Variants in ST13 observed in about 807,000 individuals in gnomAD.
ST13 encodes ST13 Hsp70 interacting protein.
In ST13, 23 loss-of-function variants were observed where a neutral mutation model predicts 56.7. The ratio of observed to expected loss-of-function variants is 0.41; its 90% CI spans 0.29 to 0.57. The LOEUF (loss-of-function observed/expected upper bound fraction) is 0.57, where lower values mean the gene tolerates loss of function less well. ST13 is among the 20% of genes least tolerant of loss of function. ST13 has a pLI of 0.36. For synonymous variants in ST13, 132 were observed against 142.4 expected (o/e 0.93, Z 0.52); for missense variants, 369 against 459.9 (o/e 0.80, Z 1.81).
Position 40,856,638 on chromosome 22 carries a change from A to C in ST13, c.-98T>G. On this transcript the variant is annotated 5_prime_UTR_variant, in exon 1 of 12. Transcript: ENST00000216218. The stretch of plus-strand genomic sequence containing the variant: ...CGCGCAGAAGGGGGCGGCTGCCGCA[A>C]GACAGAACAGACTAGAACCTCCCCG... The C allele has an allele frequency of 2.2e-6, 2 of 911,948 alleles. No homozygotes were observed. The highest frequency in any genetic ancestry group is 2.7e-5 in the South Asian group (2 of 73,144). 56.5% of individuals were successfully genotyped at this position (911,948 alleles called of 1,614,324 possible).
chr22:40,845,118 C>T (rs1412111845), intron 3 of ST13, among the ~76,000 whole-genome samples: 1 of 152,090 alleles, frequency 6.6e-6, no homozygotes. Context: ...TATTTATTAT[C>T]AGGTTGTAGT....
intron 1 of ST13, among the ~76,000 whole-genome samples, chr22:40,851,958 C>T (rs1057382891): frequency 1.2e-4 from 18 of 152,154 alleles, no homozygotes; most frequent in Admixed American, 5.9e-4. Flanking sequence ...TTAGCCAGAA[C>T]GGTCTCGATC....
chr22:40,836,215 C>A (rs370203457), intron 5 of ST13, among the ~76,000 whole-genome samples: 5 of 152,296 alleles, frequency 3.3e-5, no homozygotes, highest in African/African-American at 1.2e-4. Flanking sequence ...CTTTGGGAGG[C>A]CAAGGCAGGC....
Position 40,826,379 on chromosome 22 carries a change from T to C in ST13, c.*159A>G. The C allele has an allele frequency of 3.6e-6, 2 of 554,714 alleles. No homozygotes were observed. Among genetic ancestry groups the C allele is most frequent in the Admixed American group, 2.8e-5 (1 of 35,274 alleles). 34.4% of individuals were successfully genotyped at this position (554,714 alleles called of 1,614,324 possible). ...CTAATGGCAAACCACTGTAAAATGC[T>C]TCAGCTGCATTTGGGGGAGAGGGGT... On this transcript the variant is annotated 3_prime_UTR_variant, in exon 12 of 12. Coordinates refer to ENST00000216218, the MANE Select transcript of ST13 (RefSeq NM_003932.5).
At chr22:40,855,180 GTGAAGTGGCTCACGCC>G (rs1339330717) in intron 1 of ST13, among the ~76,000 whole-genome samples, 3 of 152,232 alleles carry the variant, frequency 2.0e-5, no homozygotes, top group African/African-American at 7.2e-5. Context: ...ATCACGCTGG[GTGAAGTGGCTCACGCC>G]TGTAATACCA....
intron 1 of ST13, among the ~76,000 whole-genome samples, chr22:40,855,148 G>A (rs1458023292): frequency 6.6e-6 from 1 of 152,168 alleles, no homozygotes. Context: ...GTAATCATGA[G>A]CTCATCTTCC....
At chr22:40,845,906 T>C (rs990276529) in intron 3 of ST13, among the ~76,000 whole-genome samples, 2 of 152,166 alleles carry the variant, frequency 1.3e-5, no homozygotes, top group African/African-American at 2.4e-5. Flanking sequence ...TACATATATG[T>C]ATATGGTGTA....
intron 3 of ST13, among the ~76,000 whole-genome samples, chr22:40,846,377 ATT>A (rs2057831338): frequency 6.6e-6 from 1 of 152,176 alleles, no homozygotes; most frequent in East Asian, 1.9e-4. Flanking sequence ...CTCTTAACAA[ATT>A]TCAAGTATAC....
rs562544396 is a variant in ST13 at position 40,836,809 on chromosome 22, G to C, written c.383-922C>G. Among the ~76,000 whole-genome samples the C allele has an allele frequency of 6.6e-5, 10 of 152,276 alleles. 1 individual carries two copies. In the East Asian group the frequency reaches 1.9e-3, roughly 29 times the overall value. ...GAATCAGAAGAGTTCTTTGCACAAA[G>C]TCTAAATCTTGGGGAGGCAAGACAA... On this transcript the variant is annotated intron_variant, in intron 5 of 11. Coordinates refer to ENST00000216218, the MANE Select transcript of ST13 (RefSeq NM_003932.5).
chr22:40,832,034 T>C (rs1432306675), intron 8 of ST13: 1 of 351,158 alleles, frequency 2.8e-6, no homozygotes, highest in African/African-American at 2.2e-5. Context: ...TTTTGTACTT[T>C]TAGTAGAGAC....
chr22:40,853,624 T>C (rs2057873058), intron 1 of ST13, among the ~76,000 whole-genome samples: 1 of 152,186 alleles, frequency 6.6e-6, no homozygotes, highest in Non-Finnish European at 1.5e-5. Flanking sequence ...TTCTCTTAAT[T>C]TGATAACCTT....
chr22:40,833,603 C>T (rs1388896108), intron 7 of ST13, among the ~76,000 whole-genome samples: 2 of 150,546 alleles, frequency 1.3e-5, no homozygotes, highest in Non-Finnish European at 2.9e-5. Flanking sequence ...TGGCTAGGCG[C>T]GATGGCTCAT....
At chr22:40,828,687 G>A (rs1021863014) in intron 10 of ST13, among the ~76,000 whole-genome samples, 6 of 151,968 alleles carry the variant, frequency 3.9e-5, no homozygotes, top group African/African-American at 9.7e-5. Context: ...AAGTAAAGCC[G>A]TTTTAAAGAA....
chr22:40,828,127 A>ACTGC (rs1453706791), intron 10 of ST13, among the ~76,000 whole-genome samples: 1 of 152,206 alleles, frequency 6.6e-6, no homozygotes, highest in African/African-American at 2.4e-5. Context: ...TGAAAGTGAA[A>ACTGC]CTGGAAACCT....
intron 10 of ST13, 51 bp from the exon 11 acceptor site, chr22:40,827,280 C>T: frequency 6.3e-7 from 1 of 1,593,326 alleles, no homozygotes; most frequent in Non-Finnish European, 8.6e-7. Context: ...TATTCTGACA[C>T]AGTATTTCAT....
chr22:40,838,201 C>CT (rs2057786643), intron 5 of ST13, among the ~76,000 whole-genome samples: 3 of 152,342 alleles, frequency 2.0e-5, no homozygotes, highest in Admixed American at 2.0e-4. Flanking sequence ...CCATACCACT[C>CT]TGGCTCCATA....
At position 40,844,905 on chromosome 22, in the gene ST13, A is replaced by T; in HGVS notation, c.249T>A (p.Ile83=). ...EPSSEESDLE[I]DKEGVIEPDT... is the part of the protein sequence containing the mutation. ...CTGGTTCAATCACACCTTCTTTATC[A>T]ATTTCTGCCAAAGTCGAGAAAATGA... is the stretch of plus-strand genomic sequence containing the variant. The change falls in exon 4 of 12, where the codon ATT becomes ATA. Residue 83 remains isoleucine, a synonymous_variant. Coordinates refer to ENST00000216218, the MANE Select transcript of ST13 (RefSeq NM_003932.5). 8 of 1,612,280 alleles carry T rather than the reference A, an allele frequency of 5.0e-6. No homozygotes were observed. The highest frequency in any genetic ancestry group is 6.8e-6 in the Non-Finnish European group (8 of 1,179,014).
chr22:40,843,901 T>A (rs138341), intron 4 of ST13, among the ~76,000 whole-genome samples: 42 of 131,300 alleles, frequency 3.2e-4, no homozygotes, highest in South Asian at 2.5e-3. Context: ...TTTTTTTTTT[T>A]AAATAGAGTT....
Position 40,835,569 on chromosome 22 carries a change from T to C in ST13, c.569A>G (p.Lys190Arg). ...DSAQPYKWRG[K>R]AHRLLGHWEE... ...AAATTCAATTATTTACCTGTGTGCT[T>C]TCCCCCGCCACTTGTAAGGCTGAGC... is the stretch of plus-strand genomic sequence containing the variant. The change falls in exon 7 of 12, where the codon AAA (lysine) becomes AGA (arginine). Residue 190 changes from lysine (K) to arginine (R), a missense_variant. By Grantham distance (26) the Lys-to-Arg change is conservative (BLOSUM62 2). Around this residue, in one of 3 missense-constraint regions of ST13, gnomAD observed 64 missense variants for 125.1 expected, o/e 0.51. Coordinates refer to ENST00000216218, the MANE Select transcript of ST13 (RefSeq NM_003932.5). 4 of 1,610,676 alleles carry C rather than the reference T, an allele frequency of 2.5e-6. No individual in the cohort carries two copies. Among genetic ancestry groups the C allele is most frequent in the Non-Finnish European group, 2.5e-6 (3 of 1,178,356 alleles).
Sources: gnomAD v4.1 joint callset for allele counts (sites outside exome capture counted in the v4.1 genomes callset) on GRCh38, gnomAD v4.1.1 for gene constraint, gnomAD v4.1.1 regional missense constraint, MANE v1.5 for transcripts, NCBI Gene and HGNC (gene_info 2026-07-23, HGNC 2026-07-21) for gene names.